DLG1: variants seen among roughly 807,000 people sequenced by gnomAD.
DLG1 encodes disks large homolog 1.
Under a neutral mutation model 123.4 loss-of-function variants are expected in DLG1, and 42 were observed. That is an observed-to-expected ratio of 0.34 (90% CI 0.27 to 0.44). The LOEUF (loss-of-function observed/expected upper bound fraction) is 0.44, where lower values mean the gene tolerates loss of function less well. Ranked by LOEUF, DLG1 falls within the 20% of genes least tolerant of loss-of-function variation. DLG1 has a pLI of 1.00. For missense variants in DLG1, 942 were observed against 1,082.6 expected (o/e 0.87, Z 1.82); for synonymous variants, 317 against 356.2 (o/e 0.89, Z 1.24).
intron 4 of DLG1, among the ~76,000 whole-genome samples, chr3:197,211,962 C>A (rs1175624542): frequency 9.6e-5 from 14 of 146,418 alleles, no homozygotes; most frequent in African/African-American, 3.4e-4. Context: ...TTGCTAGAGG[C>A]TATTATCCTT....
chr3:197,055,034 C>T (rs370673177), intron 23 of DLG1, among the ~76,000 whole-genome samples: 8 of 152,118 alleles, frequency 5.3e-5, no homozygotes, highest in East Asian at 1.9e-4. Context: ...AGGCTGGTCT[C>T]GAACTACCGA....
At chr3:197,174,729 T>G (rs547943570) in intron 5 of DLG1, among the ~76,000 whole-genome samples, 15 of 152,294 alleles carry the variant, frequency 9.8e-5, no homozygotes, top group African/African-American at 3.6e-4. Context: ...TATATACAGA[T>G]AAATGAGGGT....
chr3:197,294,247 T>C (rs974153635), intron 3 of DLG1, among the ~76,000 whole-genome samples: 1 of 152,176 alleles, frequency 6.6e-6, no homozygotes, highest in Non-Finnish European at 1.5e-5. Context: ...AAATGTGATA[T>C]AGTACCACAT....
At chr3:197,060,041 A>G (rs1225188711) in intron 22 of DLG1, 43 bp from the exon 23 acceptor site, 1 of 1,363,524 alleles carries the variant, frequency 7.3e-7, no homozygotes, top group African/African-American at 1.4e-5. Flanking sequence ...TGAGCCAAAT[A>G]TTCTCAATAA....
intron 14 of DLG1, among the ~76,000 whole-genome samples, chr3:197,092,221 G>T (rs1758132469): frequency 6.6e-6 from 1 of 152,188 alleles, no homozygotes. Context: ...GTTTATACTG[G>T]TTTTTCTAAT....
intron 3 of DLG1, among the ~76,000 whole-genome samples, chr3:197,290,713 G>A (rs939500045): frequency 6.6e-6 from 1 of 151,838 alleles, no homozygotes; most frequent in Admixed American, 6.6e-5. Context: ...TCAGGAGTTC[G>A]AGACCAGCCT....
chr3:197,234,064 A>G (rs374717967), intron 4 of DLG1, among the ~76,000 whole-genome samples: 10 of 152,256 alleles, frequency 6.6e-5, no homozygotes, highest in South Asian at 6.2e-4. Flanking sequence ...CTGAGCGCCA[A>G]TGAGTCTCAT....
chr3:197,185,564 A>C (rs150354876), intron 5 of DLG1, among the ~76,000 whole-genome samples: 1 of 152,186 alleles, frequency 6.6e-6, no homozygotes, highest in African/African-American at 2.4e-5. Flanking sequence ...CAGGTAACTA[A>C]GAATCCTCTT....
chr3:197,114,618 G>C (rs1003483657), intron 13 of DLG1, among the ~76,000 whole-genome samples: 1 of 152,190 alleles, frequency 6.6e-6, no homozygotes, highest in South Asian at 2.1e-4. Context: ...ATATCTGAAG[G>C]GCATTTTTGC....
At chr3:197,055,783 C>G (rs964863903) in intron 23 of DLG1, among the ~76,000 whole-genome samples, 2 of 152,202 alleles carry the variant, frequency 1.3e-5, no homozygotes, top group African/African-American at 2.4e-5. Flanking sequence ...CTAATCACCA[C>G]TGAAGGCAAT....
At chr3:197,102,798 C>T (rs553393268) in intron 14 of DLG1, among the ~76,000 whole-genome samples, 3 of 152,320 alleles carry the variant, frequency 2.0e-5, no homozygotes, top group African/African-American at 7.2e-5. Flanking sequence ...GCGGAGGTTA[C>T]AGTGAGCCGA....
At chr3:197,292,161 T>G (rs569760471) in intron 3 of DLG1, among the ~76,000 whole-genome samples, 48 of 152,318 alleles carry the variant, frequency 3.2e-4, no homozygotes, top group African/African-American at 1.1e-3. Flanking sequence ...AAGAAATATT[T>G]GCACACTCAC....
chr3:197,274,515 C>CACGACACGAT (rs1553805720), intron 4 of DLG1, among the ~76,000 whole-genome samples: 25 of 151,994 alleles, frequency 1.6e-4, no homozygotes, highest in South Asian at 6.2e-4. Context: ...CACGACACGA[C>CACGACACGAT]ACGATACGAT....
chr3:197,131,584 C>CTTTTTTTTTTTTTTT (rs773487577), intron 10 of DLG1, among the ~76,000 whole-genome samples: 1 of 65,734 alleles, frequency 1.5e-5, no homozygotes, highest in African/African-American at 5.2e-5. Context: ...TTCTTCCTTT[C>CTTTTTTTTTTTTTTT]TTTTTTTTTT....
intron 12 of DLG1, among the ~76,000 whole-genome samples, chr3:197,117,970 G>C (rs1175364240): frequency 6.6e-6 from 1 of 151,586 alleles, no homozygotes; most frequent in African/African-American, 2.4e-5. Flanking sequence ...GGTATGTTGT[G>C]ATTTTTTTTT....
chr3:197,115,955 T>C lies in DLG1; in HGVS notation c.1415A>G (p.Glu472Gly), dbSNP rs749375973. 2 of 1,613,010 alleles carry C rather than the reference T, an allele frequency of 1.2e-6. No individual in the cohort carries two copies. Among genetic ancestry groups the C allele is most frequent in the East Asian group, 2.2e-5 (1 of 44,726 alleles). The change falls in exon 13 of 25, where the codon GAG (glutamate) becomes GGG (glycine). Residue 472 changes from glutamate to glycine, a missense_variant. By Grantham distance (98) the Glu-to-Gly change is moderately conservative. Coordinates refer to ENST00000667157, the MANE Select transcript of DLG1 (RefSeq NM_001366207.1). Reference sequence around the variant, plus strand: ...TATAATACGATCTCCTTTTCTGAGCTCTCCACTTAGATCAGCAGGTCCTCC... The same window carrying C: ...TATAATACGATCTCCTTTTCTGAGCCCTCCACTTAGATCAGCAGGTCCTCC... Reference protein sequence around the residue: ...LAGGPADLSGELRKGDRIISV... With the variant: ...LAGGPADLSGGLRKGDRIISV...
chr3:197,146,327 A>G (rs1249376770), intron 6 of DLG1, among the ~76,000 whole-genome samples: 1 of 152,182 alleles, frequency 6.6e-6, no homozygotes, highest in African/African-American at 2.4e-5. Flanking sequence ...GGAACCAAAA[A>G]AGAGCCTCCA....
At chr3:197,161,074 TA>T (rs1006916792) in intron 5 of DLG1, among the ~76,000 whole-genome samples, 2 of 152,186 alleles carry the variant, frequency 1.3e-5, no homozygotes, top group African/African-American at 4.8e-5. Context: ...CTGTTACACA[TA>T]ATTTTTTAAA....
At chr3:197,190,065 T>C (rs1426175399) in intron 5 of DLG1, among the ~76,000 whole-genome samples, 4 of 152,152 alleles carry the variant, frequency 2.6e-5, no homozygotes, top group African/African-American at 7.2e-5. Context: ...AAAAGCAATT[T>C]AAAGCAGATA....
Sources: allele counts gnomAD v4.1 joint callset (sites outside exome capture counted in the v4.1 genomes callset), GRCh38; gene constraint gnomAD v4.1.1; transcripts MANE v1.5; gene names NCBI Gene and HGNC (gene_info 2026-07-23, HGNC 2026-07-21).